The following SOX5 variants were observed in gnomAD, a reference collection of about 807,000 sequenced individuals.
SOX5 encodes transcription factor SOX-5.
In SOX5, 9 loss-of-function variants were observed where a neutral mutation model predicts 92.0. The ratio of observed to expected loss-of-function variants is 0.10; its 90% CI spans 0.06 to 0.17. The LOEUF is 0.17. Ranked by LOEUF, SOX5 falls within the 10% of genes least tolerant of loss-of-function variation. The probability of loss-of-function intolerance (pLI) is 1.00; values close to 1 mark genes in which losing one functional copy is unlikely to be tolerated. For missense variants in SOX5, 642 were observed against 944.5 expected (o/e 0.68, Z 4.20); for synonymous variants, 344 against 336.3 (o/e 1.02, Z -0.25).
intron 4 of SOX5, among the ~76,000 whole-genome samples, chr12:24,115,181 T>C (rs1393732479): frequency 6.6e-6 from 1 of 152,056 alleles, no homozygotes; most frequent in East Asian, 1.9e-4. Flanking sequence ...CATAAGACAT[T>C]AACATTCTTA....
intron 4 of SOX5, among the ~76,000 whole-genome samples, chr12:24,002,330 C>CA (rs1392346021): frequency 2.0e-5 from 3 of 150,534 alleles, no homozygotes; most frequent in South Asian, 2.1e-4. Context: ...GACCAAAAAA[C>CA]AAAAAAAGTG....
At chr12:24,046,937 T>G (rs577388817) in intron 4 of SOX5, among the ~76,000 whole-genome samples, 167 of 152,258 alleles carry the variant, frequency 1.1e-3, no homozygotes, top group African/African-American at 3.9e-3. Context: ...TCCACCTGCC[T>G]CAGCCTCCCA....
intron 10 of SOX5, among the ~76,000 whole-genome samples, chr12:23,574,888 G>A (rs1018499114): frequency 3.3e-5 from 5 of 152,002 alleles, no homozygotes; most frequent in African/African-American, 1.2e-4. Context: ...TCCTCTCTTT[G>A]TAGAACTTTA....
intron 3 of SOX5, among the ~76,000 whole-genome samples, chr12:23,808,598 A>G (rs2095822410): frequency 6.6e-6 from 1 of 152,202 alleles, no homozygotes; most frequent in African/African-American, 2.4e-5. Context: ...ATGCATATAT[A>G]CTATAAAAAA....
At chr12:23,596,252 C>T (rs543293032) in intron 9 of SOX5, among the ~76,000 whole-genome samples, 7 of 152,160 alleles carry the variant, frequency 4.6e-5, no homozygotes, top group African/African-American at 1.4e-4. Flanking sequence ...CTCTCCATTT[C>T]GTAATGTTTA....
intron 1 of SOX5, among the ~76,000 whole-genome samples, chr12:24,373,125 A>G (rs1187074542): frequency 1.0e-4 from 3 of 29,208 alleles, no homozygotes; most frequent in Non-Finnish European, 3.1e-4. Flanking sequence ...TGTCAAGAGG[A>G]AAAAAAAAAC....
intron 1 of SOX5, among the ~76,000 whole-genome samples, chr12:24,419,846 C>T (rs1965641999): frequency 6.6e-6 from 1 of 151,882 alleles, no homozygotes; most frequent in South Asian, 2.1e-4. Context: ...ACTGAAATAC[C>T]ATGCTAAAAA....
chr12:23,804,913 TTTTATATATATATATATATATA>T (rs1358133514), intron 3 of SOX5, among the ~76,000 whole-genome samples: 21 of 109,332 alleles, frequency 1.9e-4, no homozygotes, highest in African/African-American at 6.5e-4. Context: ...CCTATCATTG[TTTTATATATATATATATATATA>T]TATATATATA....
At chr12:23,547,185 A>G (rs1054139208) in intron 11 of SOX5, among the ~76,000 whole-genome samples, 1 of 152,186 alleles carries the variant, frequency 6.6e-6, no homozygotes, top group African/African-American at 2.4e-5. Context: ...AATCTAAACC[A>G]TATGAGACAT....
chr12:24,531,507 A>C (rs1027788222), intron 1 of SOX5, among the ~76,000 whole-genome samples: 13 of 152,238 alleles, frequency 8.5e-5, no homozygotes, highest in Non-Finnish European at 1.5e-4. Flanking sequence ...TAGTATAACT[A>C]TAAAGTAATG....
At chr12:24,464,355 C>T (rs1238877929) in intron 1 of SOX5, among the ~76,000 whole-genome samples, 5 of 149,658 alleles carry the variant, frequency 3.3e-5, no homozygotes, top group African/African-American at 4.9e-5. Context: ...CGGAGTCTCA[C>T]TCTGTCACCC....
rs1313316390 is a variant in SOX5, at chr12:23,600,536, T to TATATATATATATAC, written c.1164+3850_1164+3851insGTATATATATATAT. On this transcript the variant is annotated intron_variant, in intron 9 of 14. Coordinates refer to ENST00000451604, the MANE Select transcript of SOX5 (RefSeq NM_006940.6). ...CGGGGGGGGTGCATATATATATATA[T>TATATATATATATAC]ATATATATATATATATACACATACT... Among the ~76,000 whole-genome samples, 557 of 119,266 alleles carry TATATATATATATAC rather than the reference T, an allele frequency of 4.7e-3. 30 individuals are homozygous for TATATATATATATAC. The highest frequency in any genetic ancestry group is 0.016 in the African/African-American group (527 of 32,654). 78.2% of individuals were successfully genotyped at this position (119,266 alleles called of 152,430 possible). A position where few individuals can be genotyped will look rare whatever the true frequency, so the allele number is the denominator to read the frequency against.
At chr12:24,440,617 TGTGTGTGTGTGTGTGTGTGTGTGA>T in intron 1 of SOX5, among the ~76,000 whole-genome samples, 1 of 149,522 alleles carries the variant, frequency 6.7e-6, no homozygotes, top group Middle Eastern at 3.5e-3. Flanking sequence ...TGTGTGTGTG[TGTGTGTGTGTGTGTGTGTGTGTGA>T]AGAACAGAAG....
intron 2 of SOX5, among the ~76,000 whole-genome samples, chr12:24,337,277 C>T (rs1952016715): frequency 6.6e-6 from 1 of 151,856 alleles, no homozygotes; most frequent in Non-Finnish European, 1.5e-5. Context: ...GTTCACAATC[C>T]CCAGATGTAT....
At chr12:24,519,975 G>A (rs1408361877) in intron 1 of SOX5, among the ~76,000 whole-genome samples, 1 of 151,812 alleles carries the variant, frequency 6.6e-6, no homozygotes, top group Non-Finnish European at 1.5e-5. Flanking sequence ...AAGACTATAA[G>A]CAGATTTCTC....
chr12:24,559,380 T>G (rs1289829308), intron 1 of SOX5, among the ~76,000 whole-genome samples: 1 of 152,186 alleles, frequency 6.6e-6, no homozygotes, highest in Non-Finnish European at 1.5e-5. Flanking sequence ...ATCTAAACAG[T>G]ATTCAACATT....
chr12:24,557,402 A>C (rs548750733), intron 1 of SOX5, among the ~76,000 whole-genome samples: 1 of 148,314 alleles, frequency 6.7e-6, no homozygotes, highest in Admixed American at 6.7e-5. Flanking sequence ...CTTCATTTCA[A>C]AAAAAAAAAA....
At chr12:23,872,696 T>C (rs2096888109) in intron 2 of SOX5, among the ~76,000 whole-genome samples, 1 of 152,184 alleles carries the variant, frequency 6.6e-6, no homozygotes, top group Non-Finnish European at 1.5e-5. Flanking sequence ...GCCAGACCAT[T>C]TGGTAACCAT....
At chr12:23,847,075 A>G (rs2096583576) in intron 2 of SOX5, among the ~76,000 whole-genome samples, 1 of 152,136 alleles carries the variant, frequency 6.6e-6, no homozygotes, top group African/African-American at 2.4e-5. Flanking sequence ...TATTTTGTAT[A>G]AAACATATTA....
Sources: gnomAD v4.1 joint callset for allele counts (sites outside exome capture counted in the v4.1 genomes callset) on GRCh38, gnomAD v4.1.1 for gene constraint, MANE v1.5 for transcripts, NCBI Gene and HGNC (gene_info 2026-07-23, HGNC 2026-07-21) for gene names.